The following SEMA5A variants were observed in gnomAD, a reference collection of about 807,000 sequenced individuals.
SEMA5A encodes semaphorin-5A.
SEMA5A carries 55 observed loss-of-function variants against 135.5 expected under a neutral mutation model. That is an observed-to-expected ratio of 0.41 (90% CI 0.33 to 0.51). SEMA5A has a LOEUF of 0.51. Ranked by LOEUF, SEMA5A falls within the 20% of genes least tolerant of loss-of-function variation. The probability of loss-of-function intolerance (pLI) is 0.37; values close to 1 mark genes in which losing one functional copy is unlikely to be tolerated. For synonymous variants in SEMA5A, 580 were observed against 546.5 expected (o/e 1.06, Z -0.85); for missense variants, 1,290 against 1,419.9 (o/e 0.91, Z 1.47).
chr5:9,104,762 G>GCATGCAGGGCTGA (rs1407366622), intron 16 of SEMA5A, among the ~76,000 whole-genome samples: 16 of 152,318 alleles, frequency 1.1e-4, no homozygotes, highest in African/African-American at 3.8e-4. Flanking sequence ...GAAGCCACAG[G>GCATGCAGGGCTGA]CATGCAGGGC....
At chr5:9,165,882 C>T (rs898333629) in intron 11 of SEMA5A, among the ~76,000 whole-genome samples, 1 of 152,112 alleles carries the variant, frequency 6.6e-6, no homozygotes, top group African/African-American at 2.4e-5. Flanking sequence ...AGTTCTTTCT[C>T]TTAACTTGTA....
rs1382403137 is a variant in SEMA5A at position 9,140,497 on chromosome 5, T to G, written c.1482-3876A>C. ...GCTGGAAATCTGGAGACCCTTCAAG[T>G]GCAACTCATGAGACAGACCCGGGTG... On this transcript the variant is annotated intron_variant, in intron 12 of 22. Coordinates refer to ENST00000382496, the MANE Select transcript of SEMA5A (RefSeq NM_003966.3). Among the ~76,000 whole-genome samples the G allele has an allele frequency of 2.0e-5, 3 of 152,308 alleles. No homozygotes were observed. In the East Asian group the frequency reaches 5.8e-4, roughly 29 times the overall value.
At chr5:9,077,327 G>A (rs764739790) in intron 16 of SEMA5A, among the ~76,000 whole-genome samples, 20 of 152,102 alleles carry the variant, frequency 1.3e-4, no homozygotes, top group South Asian at 2.1e-4. Context: ...TCAAAATGCC[G>A]AAAGACAAAC....
chr5:9,465,447 A>T (rs1300831083), intron 1 of SEMA5A, among the ~76,000 whole-genome samples: 1 of 152,230 alleles, frequency 6.6e-6, no homozygotes, highest in Non-Finnish European at 1.5e-5. Flanking sequence ...AGCCCTCCAT[A>T]TCCATTGGTT....
chr5:9,413,904 A>C (rs1269790701), intron 2 of SEMA5A, among the ~76,000 whole-genome samples: 1 of 152,208 alleles, frequency 6.6e-6, no homozygotes, highest in African/African-American at 2.4e-5. Flanking sequence ...CCTTTCAATG[A>C]ATTTCACTGA....
At chr5:9,305,010 C>T (rs542687144) in intron 5 of SEMA5A, among the ~76,000 whole-genome samples, 2 of 152,114 alleles carry the variant, frequency 1.3e-5, no homozygotes, top group Non-Finnish European at 2.9e-5. Context: ...TGGAAAGATG[C>T]CTTCGGTAAC....
chr5:9,178,572 C>T lies in SEMA5A; in HGVS notation c.1273+11695G>A, dbSNP rs560651019. On this transcript the variant is annotated intron_variant, in intron 11 of 22. Transcript: ENST00000382496. ...GTCTTCAACTCCTGACCTCATGATC[C>T]GCCTGCCTCGGCCTCCTAAGTGCTG... 5.3e-5 allele frequency among the ~76,000 whole-genome samples: 8 copies of T among 152,170 alleles called. No homozygotes were observed. The South Asian group carries it at 6.2e-4, about 12-fold the overall frequency.
intron 3 of SEMA5A, among the ~76,000 whole-genome samples, chr5:9,378,962 A>G (rs1193629380): frequency 2.6e-5 from 4 of 152,158 alleles, no homozygotes; most frequent in Non-Finnish European, 4.4e-5. Flanking sequence ...AAATAATTTA[A>G]TGGGTATGAG....
chr5:9,184,250 T>C (rs1744684148), intron 11 of SEMA5A, among the ~76,000 whole-genome samples: 2 of 111,800 alleles, frequency 1.8e-5, no homozygotes, highest in Admixed American at 8.4e-5. Context: ...TTTTTTTTCA[T>C]TTTTAGTTTT....
intron 16 of SEMA5A, among the ~76,000 whole-genome samples, chr5:9,088,637 A>AATATATATATATATATATATATAT (rs71611400): frequency 7.9e-4 from 85 of 107,436 alleles, no homozygotes; most frequent in South Asian, 1.9e-3. Flanking sequence ...CTACATTTAT[A>AATATATATATATATATATATATAT]ATATATATAT....
chr5:9,495,464 A>G (rs761163808), intron 1 of SEMA5A, among the ~76,000 whole-genome samples: 4 of 152,220 alleles, frequency 2.6e-5, no homozygotes, highest in Non-Finnish European at 5.9e-5. Context: ...CACAAGGACC[A>G]TGTTTAGAAA....
Position 9,487,237 on chromosome 5 carries a change from T to C in SEMA5A, c.-174-49385A>G, listed in dbSNP as rs75476978. Among the ~76,000 whole-genome samples the C allele has an allele frequency of 5.7e-3, 869 of 152,298 alleles. 24 individuals carry two copies. The East Asian group carries it at 0.069, about 12-fold the overall frequency. The stretch of plus-strand genomic sequence containing the variant: ...CTGGAAAATAAGAAGTTCACATTAA[T>C]TATGGTCTTACGTGGCAGCAGGCAT... On this transcript the variant is annotated intron_variant, in intron 1 of 22. Transcript: ENST00000382496.
At chr5:9,223,420 C>T (rs1469426695) in intron 8 of SEMA5A, among the ~76,000 whole-genome samples, 1 of 152,194 alleles carries the variant, frequency 6.6e-6, no homozygotes, top group Non-Finnish European at 1.5e-5. Flanking sequence ...TAATTCCCCC[C>T]TCCCAGGGGG....
At position 9,227,442 on chromosome 5, in the gene SEMA5A, C is replaced by T. The variant is rs1027860538; in HGVS notation, c.334-475G>A. Among the ~76,000 whole-genome samples, 11 of 152,228 alleles carry T rather than the reference C, an allele frequency of 7.2e-5. No homozygotes were observed. In the South Asian group the frequency reaches 1.2e-3, roughly 17 times the overall value. On this transcript the variant is annotated intron_variant, in intron 6 of 22. Coordinates refer to ENST00000382496, the MANE Select transcript of SEMA5A (RefSeq NM_003966.3). Reference sequence around the variant, plus strand: ...TCAGACTTTGAGAAAATGCTGCAAGCGCTTTTTGATCAGAAGGTCACATGA... The same window carrying T: ...TCAGACTTTGAGAAAATGCTGCAAGTGCTTTTTGATCAGAAGGTCACATGA...
intron 5 of SEMA5A, among the ~76,000 whole-genome samples, chr5:9,245,611 G>A (rs764001023): frequency 6.6e-5 from 10 of 152,026 alleles, no homozygotes; most frequent in African/African-American, 1.4e-4. Context: ...AAATGACAGC[G>A]GACACCTTAT....
At chr5:9,488,577 A>G (rs950050) in intron 1 of SEMA5A, among the ~76,000 whole-genome samples, 6,132 of 152,260 alleles carry the variant, frequency 0.04, 181 homozygotes, top group Middle Eastern at 0.085. Flanking sequence ...TCTATTGAAC[A>G]TTGATAGCTG....
At chr5:9,163,499 G>A (rs1259962402) in intron 11 of SEMA5A, among the ~76,000 whole-genome samples, 8 of 152,084 alleles carry the variant, frequency 5.3e-5, no homozygotes, top group Non-Finnish European at 7.4e-5. Context: ...ACAAGATTCC[G>A]TTTTGCATCT....
At chr5:9,541,149 C>T (rs1274676605) in intron 1 of SEMA5A, among the ~76,000 whole-genome samples, 1 of 152,148 alleles carries the variant, frequency 6.6e-6, no homozygotes, top group Non-Finnish European at 1.5e-5. Flanking sequence ...TCCTGATTGT[C>T]ACTCGCCTAT....
At chr5:9,507,801 G>A (rs1379894814) in intron 1 of SEMA5A, among the ~76,000 whole-genome samples, 2 of 151,992 alleles carry the variant, frequency 1.3e-5, no homozygotes, top group East Asian at 1.9e-4. Flanking sequence ...TCAGGAGATC[G>A]AGACCATCCT....
Sources: gnomAD v4.1 joint callset for allele counts (sites outside exome capture counted in the v4.1 genomes callset) on GRCh38, gnomAD v4.1.1 for gene constraint, MANE v1.5 for transcripts, NCBI Gene and HGNC (gene_info 2026-07-23, HGNC 2026-07-21) for gene names.